TMEM248: variants seen among roughly 807,000 people sequenced by gnomAD.
TMEM248 encodes transmembrane protein 248, also known as UPF0458 protein C7orf42.
TMEM248 carries 9 observed loss-of-function variants against 30.3 expected under a neutral mutation model. The observed-to-expected ratio is 0.30, with a 90% CI of 0.18 to 0.52. The LOEUF is 0.52. Ranked by LOEUF, TMEM248 falls within the 20% of genes least tolerant of loss-of-function variation. The pLI, the probability that TMEM248 is intolerant of heterozygous loss-of-function variation, is 0.97. For missense variants in TMEM248, 338 were observed against 403.3 expected (o/e 0.84, Z 1.39); for synonymous variants, 184 against 154.4 (o/e 1.19, Z -1.42).
intron 1 of TMEM248, among the ~76,000 whole-genome samples, chr7:66,935,777 C>T (rs1791786317): frequency 1.3e-5 from 2 of 152,124 alleles, no homozygotes; most frequent in African/African-American, 2.4e-5. Context: ...CTCCTGGCTT[C>T]AAGTGATCCA....
rs1174363908 is a variant in TMEM248, at chr7:66,957,841, T to G, written c.*2319T>G. The stretch of plus-strand genomic sequence containing the variant: ...TGCCAAAAATGCCTGGACAGATGGC[T>G]TGTCCCAAGGCCAGGACACACACTT... On this transcript the variant is annotated 3_prime_UTR_variant, in exon 7 of 7. Coordinates refer to ENST00000341567, the MANE Select transcript of TMEM248 (RefSeq NM_017994.5). The G allele has an allele frequency of 6.6e-6, 1 of 152,214 alleles. No homozygotes were observed. The highest frequency in any genetic ancestry group is 1.5e-5 in the Non-Finnish European group (1 of 68,034). The allele number at this position is 152,214 out of a possible 1,614,324, so 9.4% of individuals were successfully genotyped here.
At chr7:66,922,227 G>C (rs1372650629) in intron 1 of TMEM248, 1 of 152,176 alleles carries the variant, frequency 6.6e-6, no homozygotes, top group African/African-American at 2.4e-5. Context: ...CGCCTGAACT[G>C]CTTCTTTCCT....
chr7:66,922,415 C>T (rs1325473885), intron 1 of TMEM248, among the ~76,000 whole-genome samples: 1 of 152,110 alleles, frequency 6.6e-6, no homozygotes, highest in East Asian at 1.9e-4. Context: ...ATAAGGGTGT[C>T]CATCTACTTC....
intron 1 of TMEM248, among the ~76,000 whole-genome samples, chr7:66,938,212 T>C (rs1167404612): frequency 6.6e-6 from 1 of 152,196 alleles, no homozygotes; most frequent in Non-Finnish European, 1.5e-5. Flanking sequence ...GTTAGTTGTT[T>C]TTTGGTTGTT....
At chr7:66,931,281 G>T (rs1791656697) in intron 1 of TMEM248, among the ~76,000 whole-genome samples, 1 of 134,940 alleles carries the variant, frequency 7.4e-6, no homozygotes, top group South Asian at 2.4e-4. Context: ...CTGGGTGACA[G>T]TGCGAGACAA....
At position 66,929,686 on chromosome 7, in the gene TMEM248, G is replaced by T. The variant is rs140326914; in HGVS notation, c.-19+8225G>T. On this transcript the variant is annotated intron_variant, in intron 1 of 6. Transcript: ENST00000341567. ...TGGCCTCAGGTGATCCACCTGCCTCGGCCTCCCAAAATGCTGGCATTACAT... is the reference window on the plus strand; with the variant it reads ...TGGCCTCAGGTGATCCACCTGCCTCTGCCTCCCAAAATGCTGGCATTACAT... Among the ~76,000 whole-genome samples the T allele has an allele frequency of 6.5e-3, 983 of 151,912 alleles. 2 individuals carry two copies. Among genetic ancestry groups the T allele is most frequent in the Middle Eastern group, 0.017 (5 of 294 alleles).
Position 66,945,279 on chromosome 7 carries a change from T to C in TMEM248, c.445+18T>C. On this transcript the variant is annotated intron_variant, in intron 3 of 6. Transcript: ENST00000341567. Reference sequence around the variant, plus strand: ...ACTTTCAGGTATGCAGTAGCCACTCTCCACTCAGGCTCCTTAGGCAACCAC... The same window carrying C: ...ACTTTCAGGTATGCAGTAGCCACTCCCCACTCAGGCTCCTTAGGCAACCAC... The C allele has an allele frequency of 1.2e-6, 2 of 1,607,756 alleles. No individual in the cohort carries two copies. The highest frequency in any genetic ancestry group is 1.7e-4 in the Middle Eastern group (1 of 6,038).
intron 3 of TMEM248, among the ~76,000 whole-genome samples, chr7:66,945,552 G>C (rs1190413198): frequency 6.6e-6 from 1 of 152,126 alleles, no homozygotes; most frequent in Admixed American, 6.5e-5. Context: ...TGTCCTGTTG[G>C]AGTTTTCATT....
chr7:66,947,295 G>A (rs1312422625), intron 3 of TMEM248, among the ~76,000 whole-genome samples: 1 of 151,704 alleles, frequency 6.6e-6, no homozygotes, highest in African/African-American at 2.4e-5. Context: ...CCTATTGGCT[G>A]TTAGAGGTGA....
chr7:66,954,375 CT>C (rs1181934029), intron 6 of TMEM248, among the ~76,000 whole-genome samples: 7 of 142,980 alleles, frequency 4.9e-5, no homozygotes, highest in African/African-American at 1.8e-4. Context: ...AGTATTTTTG[CT>C]TTTTTAATTT....
intron 1 of TMEM248, among the ~76,000 whole-genome samples, chr7:66,927,950 C>T (rs1225860561): frequency 6.6e-6 from 1 of 152,144 alleles, no homozygotes; most frequent in Non-Finnish European, 1.5e-5. Flanking sequence ...CACGGTAGCT[C>T]ACACCTGTAA....
At chr7:66,948,248 G>C (rs1446805891) in intron 3 of TMEM248, among the ~76,000 whole-genome samples, 1 of 152,212 alleles carries the variant, frequency 6.6e-6, no homozygotes, top group Non-Finnish European at 1.5e-5. Flanking sequence ...GTGCAGAAAT[G>C]CTGGGGATAA....
At chr7:66,927,827 GAAAC>G (rs1253494992) in intron 1 of TMEM248, among the ~76,000 whole-genome samples, 1 of 152,086 alleles carries the variant, frequency 6.6e-6, no homozygotes, top group East Asian at 1.9e-4. Context: ...ATCACATTAA[GAAAC>G]AAGACACTAT....
intron 1 of TMEM248, among the ~76,000 whole-genome samples, chr7:66,933,676 T>A (rs1791725343): frequency 6.6e-6 from 1 of 152,232 alleles, no homozygotes; most frequent in African/African-American, 2.4e-5. Context: ...ATCTTGGTAT[T>A]GCCTTTTGCT....
In TMEM248 at chr7:66,956,458, C is replaced by T. The variant is rs1354620583; in HGVS notation, c.*936C>T. 1 of 140,730 alleles carries T rather than the reference C, an allele frequency of 7.1e-6. No individual in the cohort carries two copies. The highest frequency in any genetic ancestry group is 1.5e-5 in the Non-Finnish European group (1 of 67,942). 8.7% of individuals were successfully genotyped at this position (140,730 alleles called of 1,614,324 possible). On this transcript the variant is annotated 3_prime_UTR_variant, in exon 7 of 7. Coordinates refer to ENST00000341567, the MANE Select transcript of TMEM248 (RefSeq NM_017994.5). ...AGTATGGAAAGAAAGAATAATGATT[C>T]TATCTAATAGGAAAGGATTTCTTCT...
chr7:66,930,542 A>T (rs966561915), intron 1 of TMEM248: 1 of 152,242 alleles, frequency 6.6e-6, no homozygotes, highest in Non-Finnish European at 1.5e-5. Context: ...TGGACTTAGC[A>T]GCCCAGAGAT....
intron 3 of TMEM248, among the ~76,000 whole-genome samples, chr7:66,946,681 A>G (rs970984398): frequency 1.3e-5 from 2 of 152,330 alleles, no homozygotes; most frequent in East Asian, 1.9e-4. Flanking sequence ...AGCACTTACA[A>G]TAGTTCCTGC....
intron 1 of TMEM248, among the ~76,000 whole-genome samples, chr7:66,940,665 G>A (rs895888684): frequency 6.6e-6 from 1 of 152,178 alleles, no homozygotes; most frequent in African/African-American, 2.4e-5. Context: ...AGGGAGACTG[G>A]CAGGGCTTCT....
In TMEM248 at chr7:66,958,449, A is replaced by T. The variant is rs562142427; in HGVS notation, c.*2927A>T. 5 of 152,848 alleles carry T rather than the reference A, an allele frequency of 3.3e-5. No homozygotes were observed. Among genetic ancestry groups the T allele is most frequent in the African/African-American group, 1.2e-4 (5 of 41,576 alleles). The allele number at this position is 152,848 out of a possible 1,614,324, so 9.5% of individuals were successfully genotyped here. ...GTGGGTCCATTTCACCTCTTGCTGC[A>T]TGATGGTCAGTAGCTGATCTGTTAT... On this transcript the variant is annotated 3_prime_UTR_variant, in exon 7 of 7. Coordinates refer to ENST00000341567, the MANE Select transcript of TMEM248 (RefSeq NM_017994.5).
Sources: allele counts gnomAD v4.1 joint callset (sites outside exome capture counted in the v4.1 genomes callset), GRCh38; gene constraint gnomAD v4.1.1; transcripts MANE v1.5; gene names NCBI Gene and HGNC (gene_info 2026-07-23, HGNC 2026-07-21).